The following BEND4 variants were observed in gnomAD, a reference collection of about 807,000 sequenced individuals.
BEND4 encodes BEN domain containing 4, also known as BEN domain-containing protein 4.
In BEND4, 27 loss-of-function variants were observed where a neutral mutation model predicts 54.7. That is an observed-to-expected ratio of 0.49 (90% CI 0.36 to 0.68). BEND4 has a LOEUF of 0.68. BEND4 is among the 30% of genes least tolerant of loss of function. BEND4 has a pLI of 0.00. For synonymous variants in BEND4, 327 were observed against 299.5 expected, an observed-to-expected ratio of 1.09 and a Z score of -0.95; for missense variants, 702 against 697.2, an observed-to-expected ratio of 1.01 and a Z score of -0.08.
rs533627181 is a variant in BEND4 at position 42,113,036 on chromosome 4, C to T, written c.*4482G>A. ...CAAAAATACATCATAATGATACATACTGCTGTTTAGACACATTTACATTAG... is the reference window on the plus strand; with the variant it reads ...CAAAAATACATCATAATGATACATATTGCTGTTTAGACACATTTACATTAG... On this transcript the variant is annotated 3_prime_UTR_variant, in exon 6 of 6. Transcript: ENST00000502486. 2.0e-4 allele frequency: 30 copies of T among 152,342 alleles called. No individual in the cohort carries two copies. The highest frequency in any genetic ancestry group is 7.0e-4 in the African/African-American group (29 of 41,580). 9.4% of individuals were successfully genotyped at this position (152,342 alleles called of 1,614,324 possible). A position where few individuals can be genotyped will look rare whatever the true frequency, so the allele number is the denominator to read the frequency against.
At position 42,111,365 on chromosome 4, in the gene BEND4, T is replaced by C. The variant is rs892625266; in HGVS notation, c.*6153A>G. 2 of 152,198 alleles carry C rather than the reference T, an allele frequency of 1.3e-5. No individual in the cohort carries two copies. The highest frequency in any genetic ancestry group is 2.1e-4 in the South Asian group (1 of 4,830). The allele number at this position is 152,198 out of a possible 1,614,324, so 9.4% of individuals were successfully genotyped here. ...ACAGTTTCTCCACAAGTATTCATCA[T>C]AGAAAATAGAGTAAAGGCAACTCGG... On this transcript the variant is annotated 3_prime_UTR_variant, in exon 6 of 6. Coordinates refer to ENST00000502486, the MANE Select transcript of BEND4 (RefSeq NM_207406.4).
chr4:42,124,214 G>A (rs1171501744), intron 4 of BEND4, among the ~76,000 whole-genome samples: 2 of 152,262 alleles, frequency 1.3e-5, no homozygotes, highest in Non-Finnish European at 1.5e-5. Context: ...TTAGCTGGGC[G>A]TGGTGGTGCA....
intron 3 of BEND4, among the ~76,000 whole-genome samples, chr4:42,127,790 G>C (rs144142269): frequency 6.6e-6 from 1 of 152,280 alleles, no homozygotes; most frequent in East Asian, 1.9e-4. Flanking sequence ...ATTTTGCTTG[G>C]AAGTTTTAGA....
At chr4:42,144,088 A>G in intron 2 of BEND4, 94 bp from the exon 3 acceptor site, 1 of 878,466 alleles carries the variant, frequency 1.1e-6, no homozygotes, top group Non-Finnish European at 1.8e-6. Flanking sequence ...AAACATGTTA[A>G]AAATATGTAT....
chr4:42,135,766 C>T (rs1175300477), intron 3 of BEND4, among the ~76,000 whole-genome samples: 1 of 151,984 alleles, frequency 6.6e-6, no homozygotes, highest in East Asian at 1.9e-4. Flanking sequence ...CAGAGCAAGA[C>T]TCCGTCTAAA....
In BEND4 at chr4:42,111,527, T is replaced by C. The variant is rs535105319; in HGVS notation, c.*5991A>G. The C allele has an allele frequency of 1.3e-5, 2 of 152,296 alleles. No homozygotes were observed. Among genetic ancestry groups the C allele is most frequent in the South Asian group, 2.1e-4 (1 of 4,824 alleles). 9.4% of individuals were successfully genotyped at this position (152,296 alleles called of 1,614,324 possible). ...TCTAGCATGCCCTGTTCCCAAGAAG[T>C]GCAAGCCAGGACCCTCATGGCCTTG... On this transcript the variant is annotated 3_prime_UTR_variant, in exon 6 of 6. Transcript: ENST00000502486.
chr4:42,135,139 T>C (rs1382540976), intron 3 of BEND4, among the ~76,000 whole-genome samples: 1 of 151,938 alleles, frequency 6.6e-6, no homozygotes, highest in Non-Finnish European at 1.5e-5. Context: ...ACAGCTCCAG[T>C]TATGAGATGA....
At chr4:42,149,025 C>T (rs956654800) in intron 2 of BEND4, among the ~76,000 whole-genome samples, 2 of 152,242 alleles carry the variant, frequency 1.3e-5, no homozygotes, top group African/African-American at 4.8e-5. Flanking sequence ...TCACTTCAAC[C>T]CTTTCATCTT....
chr4:42,117,050 G>A lies in BEND4; in HGVS notation c.*468C>T, dbSNP rs1468873939. On this transcript the variant is annotated 3_prime_UTR_variant, in exon 6 of 6. Transcript: ENST00000502486. ...GTCATCTATCCTATGTCTTTGCCGA[G>A]AAATATGAAGTCAAGTCTTTGGAAA... 4.6e-5 allele frequency: 7 copies of A among 153,822 alleles called. No individual in the cohort carries two copies. Among genetic ancestry groups the A allele is most frequent in the African/African-American group, 9.7e-5 (4 of 41,446 alleles). 9.5% of individuals were successfully genotyped at this position (153,822 alleles called of 1,614,324 possible).
At chr4:42,142,617 A>C (rs1052901929) in intron 3 of BEND4, among the ~76,000 whole-genome samples, 2 of 143,494 alleles carry the variant, frequency 1.4e-5, no homozygotes, top group African/African-American at 2.6e-5. Flanking sequence ...TCAGTGACAG[A>C]GTGAGAGAGA....
At chr4:42,118,523 A>C (rs926261466) in intron 5 of BEND4, among the ~76,000 whole-genome samples, 1 of 152,212 alleles carries the variant, frequency 6.6e-6, no homozygotes, top group Non-Finnish European at 1.5e-5. Context: ...GGCAGCCTGG[A>C]CTGCATCAGG....
intron 2 of BEND4, among the ~76,000 whole-genome samples, chr4:42,147,901 T>C (rs539502714): frequency 1.2e-4 from 19 of 152,150 alleles, no homozygotes; most frequent in Non-Finnish European, 2.8e-4. Context: ...AGTAAAGCCT[T>C]GAATGGAATT....
At chr4:42,125,716 G>A (rs374124554) in intron 3 of BEND4, 42 bp from the exon 4 acceptor site, 439 of 1,267,820 alleles carry the variant, frequency 3.5e-4, no homozygotes, top group Admixed American at 6.6e-4. Context: ...TGGCTATCCC[G>A]TAACATGAAA....
chr4:42,141,859 C>T (rs1228763208), intron 3 of BEND4, among the ~76,000 whole-genome samples: 1 of 152,112 alleles, frequency 6.6e-6, no homozygotes, highest in Non-Finnish European at 1.5e-5. Flanking sequence ...AATAGTAGTA[C>T]ATGTATGCAG....
At position 42,116,765 on chromosome 4, in the gene BEND4, T is replaced by C. The variant is rs1719854564; in HGVS notation, c.*753A>G. 1 of 152,250 alleles carries C rather than the reference T, an allele frequency of 6.6e-6. No homozygotes were observed. Among genetic ancestry groups the C allele is most frequent in the African/African-American group, 2.4e-5 (1 of 41,468 alleles). The allele number at this position is 152,250 out of a possible 1,614,324, so 9.4% of individuals were successfully genotyped here. On this transcript the variant is annotated 3_prime_UTR_variant, in exon 6 of 6. Coordinates refer to ENST00000502486, the MANE Select transcript of BEND4 (RefSeq NM_207406.4). ...GTCAACAAAGCCTGATTTAAGGCTATGGAAACTGCGGATTTATTAACCTAC... is the reference window on the plus strand; with the variant it reads ...GTCAACAAAGCCTGATTTAAGGCTACGGAAACTGCGGATTTATTAACCTAC...
rs566368385 is a variant in BEND4 at position 42,124,860 on chromosome 4, A to C, written c.1146+723T>G. Among the ~76,000 whole-genome samples the C allele has an allele frequency of 2.6e-5, 4 of 151,138 alleles. No individual in the cohort carries two copies. The South Asian group carries it at 8.4e-4, about 32-fold the overall frequency. On this transcript the variant is annotated intron_variant, in intron 4 of 5. Transcript: ENST00000502486. ...GCTGTAGTGTAGAATGAAGGTGCTG[A>C]CCCAGGATACTTTGGGAGCCTGGAA...
chr4:42,132,412 C>T (rs1720539657), intron 3 of BEND4, among the ~76,000 whole-genome samples: 1 of 151,754 alleles, frequency 6.6e-6, no homozygotes, highest in African/African-American at 2.4e-5. Flanking sequence ...CAACTGCCTC[C>T]TCGTGCAAAT....
At chr4:42,150,318 A>T (rs1303457487) in intron 2 of BEND4, among the ~76,000 whole-genome samples, 2 of 151,242 alleles carry the variant, frequency 1.3e-5, no homozygotes, top group African/African-American at 4.9e-5. Flanking sequence ...CATACCCCAC[A>T]AACAATAAGG....
chr4:42,130,834 C>T (rs972674966), intron 3 of BEND4, among the ~76,000 whole-genome samples: 5 of 152,110 alleles, frequency 3.3e-5, no homozygotes, highest in African/African-American at 1.2e-4. Context: ...CAGTGATAGA[C>T]TGGATAAAGA....
Sources: gnomAD v4.1 joint callset for allele counts (sites outside exome capture counted in the v4.1 genomes callset) on GRCh38, gnomAD v4.1.1 for gene constraint, MANE v1.5 for transcripts, NCBI Gene and HGNC (gene_info 2026-07-23, HGNC 2026-07-21) for gene names.